The following NRG2 variants were observed in gnomAD, a reference collection of about 807,000 sequenced individuals.
NRG2 encodes the protein pro-neuregulin-2, membrane-bound isoform.
A neutral mutation model predicts 73.9 loss-of-function variants in NRG2; 27 were observed. The ratio of observed to expected loss-of-function variants is 0.37; its 90% CI spans 0.27 to 0.50. The LOEUF (loss-of-function observed/expected upper bound fraction) is 0.50, where lower values mean the gene tolerates loss of function less well. Among genes scored for constraint, NRG2 ranks in the 20% least tolerant of loss-of-function variants. NRG2 has a pLI of 0.96. For missense variants in NRG2, 1,126 were observed against 1,210.1 expected (o/e 0.93, Z 1.03); for synonymous variants, 532 against 541.0 (o/e 0.98, Z 0.23).
At chr5:139,912,478 G>C (rs1021088096) in intron 1 of NRG2, among the ~76,000 whole-genome samples, 1 of 152,070 alleles carries the variant, frequency 6.6e-6, no homozygotes, top group African/African-American at 2.4e-5. Flanking sequence ...CTCAATGGAC[G>C]ATGTCACAGA....
At chr5:140,034,182 G>A (rs753583211) in intron 1 of NRG2, among the ~76,000 whole-genome samples, 9 of 152,064 alleles carry the variant, frequency 5.9e-5, no homozygotes, top group Non-Finnish European at 8.8e-5. Flanking sequence ...GGATGGTCTC[G>A]ATCTCCTGAC....
At chr5:139,988,816 A>C (rs1757365173) in intron 1 of NRG2, among the ~76,000 whole-genome samples, 2 of 151,878 alleles carry the variant, frequency 1.3e-5, no homozygotes, top group Admixed American at 6.6e-5. Flanking sequence ...ATGTAGGTTT[A>C]TCTGTTGTAA....
At position 139,904,814 on chromosome 5, in the gene NRG2, G is replaced by A. The variant is rs1056226673; in HGVS notation, c.701-17303C>T. Among the ~76,000 whole-genome samples the A allele has an allele frequency of 1.3e-5, 2 of 152,180 alleles. No individual in the cohort carries two copies. Among genetic ancestry groups the A allele is most frequent in the African/African-American group, 4.8e-5 (2 of 41,452 alleles). The stretch of plus-strand genomic sequence containing the variant: ...GGGGGTGGGGAGACAGCGAGGAAAG[G>A]GCCCAGGAAGGGACCAAAATGAAGC... On this transcript the variant is annotated intron_variant, in intron 1 of 9. Transcript: ENST00000361474. This position sits in a 1 kb window ranked among gnomAD's most constrained non-coding sequence, Gnocchi z 6.0.
chr5:139,852,820 TG>T lies in NRG2; in HGVS notation c.1416+83del, dbSNP rs903720332. The T allele has an allele frequency of 1.6e-5, 26 of 1,581,948 alleles. No individual in the cohort carries two copies. Among genetic ancestry groups the T allele is most frequent in the African/African-American group, 2.7e-5 (2 of 73,366 alleles). The stretch of plus-strand genomic sequence containing the variant: ...GCTGGCCATGGGATAGGCTGGCTGC[TG>T]CCCTGGCCCATCCTTGCAGGGGGCA... On this transcript the variant is annotated intron_variant, in intron 7 of 9. Coordinates refer to ENST00000361474, the MANE Select transcript of NRG2 (RefSeq NM_004883.3). This position sits in a 1 kb window ranked among gnomAD's most constrained non-coding sequence, Gnocchi z 4.4.
chr5:139,917,202 T>C (rs116531694), intron 1 of NRG2, among the ~76,000 whole-genome samples: 289 of 152,372 alleles, frequency 1.9e-3, no homozygotes, highest in African/African-American at 6.5e-3. Context: ...ATTTAAAGTG[T>C]ACAATTCAAT....
chr5:139,854,937 C>G (rs1761712474), intron 6 of NRG2, among the ~76,000 whole-genome samples: 1 of 152,188 alleles, frequency 6.6e-6, no homozygotes. Flanking sequence ...TAGACTCATG[C>G]CCGCTTTTTT....
At chr5:140,034,240 G>A (rs535844306) in intron 1 of NRG2, among the ~76,000 whole-genome samples, 46 of 152,212 alleles carry the variant, frequency 3.0e-4, no homozygotes, top group African/African-American at 9.1e-4. Flanking sequence ...GATTACAGGC[G>A]TGAGCCACCA....
intron 1 of NRG2, among the ~76,000 whole-genome samples, chr5:139,932,833 C>T (rs888373838): frequency 1.3e-5 from 2 of 151,820 alleles, no homozygotes; most frequent in African/African-American, 4.8e-5. Context: ...CTGAAGTAAA[C>T]AGACATATTG....
At position 139,942,820 on chromosome 5, in the gene NRG2, T is replaced by C. The variant is rs76433537; in HGVS notation, c.701-55309A>G. Among the ~76,000 whole-genome samples, 590 of 152,290 alleles carry C rather than the reference T, an allele frequency of 3.9e-3. 12 individuals are homozygous for C. The highest frequency in any genetic ancestry group is 0.032 in the Admixed American group (482 of 15,290). On this transcript the variant is annotated intron_variant, in intron 1 of 9. Transcript: ENST00000361474. ...CTAACAAATGAGCCACTTGGAAAAT[T>C]AGTTTGATGTAGCCTGATTTCCACT...
At position 139,848,043 on chromosome 5, in the gene NRG2, C is replaced by G; in HGVS notation, c.2427G>C (p.Ser809=). 1.3e-6 allele frequency: 2 copies of G among 1,507,020 alleles called. No homozygotes were observed. The highest frequency in any genetic ancestry group is 2.5e-5 in the South Asian group (2 of 80,564). The allele number at this position is 1,507,020 out of a possible 1,614,324, so 93.4% of individuals were successfully genotyped here. A position where few individuals can be genotyped will look rare whatever the true frequency, so the allele number is the denominator to read the frequency against. The change falls in exon 10 of 10, where the codon TCG becomes TCC. Residue 809 remains serine, a synonymous_variant. Transcript: ENST00000361474. The part of the protein sequence containing the change: ...RGAHDALRSD[S]PPLCPAADSR... ...TGTCGGCCGCCGGGCACAGTGGCGGCGAGTCCGAGCGCAGCGCGTCGTGCG... is the reference window on the plus strand; with the variant it reads ...TGTCGGCCGCCGGGCACAGTGGCGGGGAGTCCGAGCGCAGCGCGTCGTGCG...
intron 1 of NRG2, among the ~76,000 whole-genome samples, chr5:140,024,564 T>C (rs1157665590): frequency 6.6e-6 from 1 of 152,190 alleles, no homozygotes; most frequent in African/African-American, 2.4e-5. Context: ...CAGAGTAAAG[T>C]GATTTTATCA....
At chr5:139,957,462 G>A (rs571227741) in intron 1 of NRG2, among the ~76,000 whole-genome samples, 1 of 152,290 alleles carries the variant, frequency 6.6e-6, no homozygotes, top group Non-Finnish European at 1.5e-5. Flanking sequence ...AGGTAAGGCA[G>A]CTGGGAAGGA....
chr5:139,916,880 T>C (rs1331886025), intron 1 of NRG2, among the ~76,000 whole-genome samples: 1 of 152,230 alleles, frequency 6.6e-6, no homozygotes, highest in Non-Finnish European at 1.5e-5. Context: ...AGCTTTTGTG[T>C]GGACATGTGC....
intron 1 of NRG2, among the ~76,000 whole-genome samples, chr5:139,893,442 C>T (rs1204822424): frequency 6.6e-6 from 1 of 152,128 alleles, no homozygotes; most frequent in Non-Finnish European, 1.5e-5. Context: ...AGGCATCTAG[C>T]AAAAGCAAGA....
intron 1 of NRG2, among the ~76,000 whole-genome samples, chr5:139,946,071 A>C (rs1753779562): frequency 6.6e-6 from 1 of 152,064 alleles, no homozygotes; most frequent in African/African-American, 2.4e-5. Context: ...GTGCCATCCC[A>C]ATCAAATTCC....
intron 1 of NRG2, among the ~76,000 whole-genome samples, chr5:139,938,960 A>AG (rs774294702): frequency 1.1e-4 from 15 of 139,536 alleles, no homozygotes; most frequent in African/African-American, 1.7e-4. Context: ...AAAGAAAGAA[A>AG]AAAGAAGGAA....
intron 1 of NRG2, among the ~76,000 whole-genome samples, chr5:139,909,389 G>A (rs577640863): frequency 4.2e-4 from 64 of 152,274 alleles, no homozygotes; most frequent in Admixed American, 1.3e-3. Context: ...CTGCAAGGGG[G>A]TCTTGGGAAC....
At chr5:139,963,528 A>G (rs1755241042) in intron 1 of NRG2, among the ~76,000 whole-genome samples, 1 of 152,236 alleles carries the variant, frequency 6.6e-6, no homozygotes, top group Admixed American at 6.5e-5. Flanking sequence ...ATCCTCATAT[A>G]AGGAAAGAAC....
intron 1 of NRG2, among the ~76,000 whole-genome samples, chr5:139,899,282 G>GT (rs1764733409): frequency 1.3e-5 from 2 of 152,138 alleles, no homozygotes; most frequent in African/African-American, 2.4e-5. Flanking sequence ...TGGGAGGGGG[G>GT]CTTGATAAAA....
Sources: allele counts gnomAD v4.1 joint callset (sites outside exome capture counted in the v4.1 genomes callset), GRCh38; gene constraint gnomAD v4.1.1; non-coding constraint Gnocchi (gnomAD v3.1); transcripts MANE v1.5; gene names NCBI Gene and HGNC (gene_info 2026-07-23, HGNC 2026-07-21).